The following LSMEM1 variants were observed in gnomAD, a reference collection of about 807,000 sequenced individuals.
The protein encoded by LSMEM1 is leucine-rich single-pass membrane protein 1.
In LSMEM1, 10 loss-of-function variants were observed where a neutral mutation model predicts 11.3. That is an observed-to-expected ratio of 0.89 (90% confidence interval 0.55 to 1.50). The LOEUF (loss-of-function observed/expected upper bound fraction) is 1.50, where lower values mean the gene tolerates loss of function less well. Among genes scored for constraint, LSMEM1 ranks in the 40% most tolerant of loss-of-function variants. The pLI is 0.00. For synonymous variants in LSMEM1, 65 were observed against 59.3 expected, an observed-to-expected ratio of 1.10 and a Z score of -0.44; for missense variants, 151 against 152.9, an observed-to-expected ratio of 0.99 and a Z score of 0.06.
rs1268795923 is a variant in LSMEM1, at chr7:112,481,105, G to GA, written c.-241dup. ...ATTTACTAAAAACCTTAGACATTAT[G>GA]AAAAAAGTCAGGATTTGGAATCTTA... On this transcript the variant is annotated 5_prime_UTR_variant, in exon 1 of 4. It removes the in-frame stop codon of an upstream open reading frame in the 5' UTR. Transcript: ENST00000312849. 6 of 325,624 alleles carry GA rather than the reference G, an allele frequency of 1.8e-5. No homozygotes were observed. Among genetic ancestry groups the GA allele is most frequent in the Non-Finnish European group, 3.0e-5 (5 of 166,596 alleles). 20.2% of individuals were successfully genotyped at this position (325,624 alleles called of 1,614,324 possible).
rs778219151 is a variant in LSMEM1, at chr7:112,484,834, G to A, written c.18G>A (p.Gln6=). Residue 6 remains glutamine, a synonymous_variant, in exon 2 of 4, where the codon CAG becomes CAA. Transcript: ENST00000312849. ...CAGGGACAATGACTCATTCTTCCCA[G>A]GACACTGGTTCTTGTGGCATTCAGG... is the stretch of plus-strand genomic sequence containing the variant. MTHSS[Q]DTGSCGIQED... is the part of the protein sequence containing the mutation. 2 of 1,613,584 alleles carry A rather than the reference G, an allele frequency of 1.2e-6. No individual in the cohort carries two copies. The highest frequency in any genetic ancestry group is 1.7e-6 in the Non-Finnish European group (2 of 1,179,730).
chr7:112,486,637 G>A (rs527410427), intron 2 of LSMEM1, among the ~76,000 whole-genome samples: 14 of 152,092 alleles, frequency 9.2e-5, no homozygotes, highest in African/African-American at 1.2e-4. Flanking sequence ...TTAGCGGGAC[G>A]TGGTGGCGGG....
At chr7:112,486,855 G>A in intron 2 of LSMEM1, 68 bp from the exon 3 acceptor site, 1 of 1,602,438 alleles carries the variant, frequency 6.2e-7, no homozygotes, top group South Asian at 1.1e-5. Context: ...CTGGGGTACT[G>A]TTCAGTTCTG....
At chr7:112,488,135 G>T (rs1796172275) in intron 3 of LSMEM1, among the ~76,000 whole-genome samples, 1 of 152,134 alleles carries the variant, frequency 6.6e-6, no homozygotes, top group Non-Finnish European at 1.5e-5. Context: ...GGTTGGGACT[G>T]GGAGGGAGGG....
chr7:112,489,710 G>C (rs1796200978), intron 3 of LSMEM1, 100 bp from the exon 4 acceptor site: 1 of 1,363,750 alleles, frequency 7.3e-7, no homozygotes, highest in East Asian at 2.4e-5. Flanking sequence ...TTTGCCAAGA[G>C]TGTCTTTCAG....
Position 112,490,000 on chromosome 7 carries a change from C to A in LSMEM1, c.*51C>A. On this transcript the variant is annotated 3_prime_UTR_variant, in exon 4 of 4. Coordinates refer to ENST00000312849, the MANE Select transcript of LSMEM1 (RefSeq NM_182597.3). ...CTAACACCTTGAGCTTTTTACTTTC[C>A]TGGGAGTGTACAGGGTTAGGAACTG... The A allele has an allele frequency of 6.3e-7, 1 of 1,580,002 alleles. No homozygotes were observed. The highest frequency in any genetic ancestry group is 2.2e-5 in the East Asian group (1 of 44,700).
At chr7:112,482,978 G>A (rs1322337254) in intron 1 of LSMEM1, among the ~76,000 whole-genome samples, 1 of 151,968 alleles carries the variant, frequency 6.6e-6, no homozygotes, top group African/African-American at 2.4e-5. Context: ...GACTTTTTGA[G>A]CTCACTTTCT....
intron 2 of LSMEM1, among the ~76,000 whole-genome samples, chr7:112,485,402 G>T (rs3128380): frequency 0.04 from 6,126 of 152,114 alleles, 372 homozygotes; most frequent in African/African-American, 0.13. Context: ...GAAAGGGGGT[G>T]GGGGGAGCAA....
chr7:112,482,179 A>G (rs1796045099), intron 1 of LSMEM1, among the ~76,000 whole-genome samples: 1 of 123,394 alleles, frequency 8.1e-6, no homozygotes, highest in African/African-American at 3.1e-5. Flanking sequence ...CAGCTCATTA[A>G]AAAAATATTG....
intron 3 of LSMEM1, among the ~76,000 whole-genome samples, chr7:112,488,659 C>T (rs1055196773): frequency 1.7e-4 from 26 of 151,884 alleles, no homozygotes; most frequent in African/African-American, 5.3e-4. Context: ...AGTGCAGTGG[C>T]GTGATCTCAG....
intron 1 of LSMEM1, among the ~76,000 whole-genome samples, chr7:112,482,408 G>A (rs1282470038): frequency 6.6e-6 from 1 of 152,136 alleles, no homozygotes; most frequent in Non-Finnish European, 1.5e-5. Flanking sequence ...CATTGATTAA[G>A]CCTCAGTATG....
upstream of LSMEM1, chr7:112,480,819 G>T (rs908759298): frequency 6.6e-6 from 3 of 456,108 alleles, no homozygotes; most frequent in African/African-American, 6.0e-5. Context: ...ATCATATTCT[G>T]TCCGTGTTTA....
rs368412469 is a variant in LSMEM1, at chr7:112,486,878, A to T, written c.128-45A>T. The T allele has an allele frequency of 1.5e-5, 24 of 1,612,138 alleles. No individual in the cohort carries two copies. In the African/African-American group the frequency reaches 2.9e-4, roughly 20 times the overall value. On this transcript the variant is annotated intron_variant, in intron 2 of 3. Coordinates refer to ENST00000312849, the MANE Select transcript of LSMEM1 (RefSeq NM_182597.3). ...CTGTTCAGTTCTGCTGACAAGTTGT[A>T]TGCTGAGCAGTTTTTGTCCTTGTTT...
intron 2 of LSMEM1, chr7:112,486,133 A>T (rs1796123285): frequency 5.7e-6 from 1 of 175,900 alleles, no homozygotes; most frequent in Non-Finnish European, 1.2e-5. Context: ...GTTTAAATGG[A>T]TGTAGGCTTA....
chr7:112,488,462 A>T (rs898133426), intron 3 of LSMEM1, among the ~76,000 whole-genome samples: 1 of 152,192 alleles, frequency 6.6e-6, no homozygotes, highest in African/African-American at 2.4e-5. Flanking sequence ...CTGTGAGATA[A>T]GTAGCAAGAT....
upstream of LSMEM1, chr7:112,480,888 C>T (rs773615608): frequency 3.9e-4 from 178 of 456,224 alleles, no homozygotes; most frequent in Non-Finnish European, 2.2e-4. Flanking sequence ...TGGCAGCTTC[C>T]GCCTGCTACA....
intron 3 of LSMEM1, 85 bp downstream of exon 3, chr7:112,487,136 C>A: frequency 2.0e-6 from 3 of 1,470,010 alleles, no homozygotes; most frequent in South Asian, 1.2e-5. Flanking sequence ...AGTTTGCACC[C>A]TCCAGTCAAT....
intron 2 of LSMEM1, 22 bp downstream of exon 2, chr7:112,484,965 C>G (rs774125154): frequency 8.1e-6 from 13 of 1,602,748 alleles, no homozygotes; most frequent in Non-Finnish European, 1.1e-5. Context: ...GGGGAAGGCA[C>G]AGCAGCCCTT....
rs1796022238 is a variant in LSMEM1 at position 112,481,001 on chromosome 7, A to C, written c.-351A>C. Reference sequence around the variant, plus strand: ...AAGGACGGTAACTTCAGTCCAATAAAAACCTCATCAGTTACCAACTAAATC... The same window carrying C: ...AAGGACGGTAACTTCAGTCCAATAACAACCTCATCAGTTACCAACTAAATC... On this transcript the variant is annotated 5_prime_UTR_variant, in exon 1 of 4. Transcript: ENST00000312849. 1 of 397,594 alleles carries C rather than the reference A, an allele frequency of 2.5e-6. No individual in the cohort carries two copies. Among genetic ancestry groups the C allele is most frequent in the Admixed American group, 3.1e-5 (1 of 32,250 alleles). The allele number at this position is 397,594 out of a possible 1,614,324, so 24.6% of individuals were successfully genotyped here.
Sources: allele counts gnomAD v4.1 joint callset (sites outside exome capture counted in the v4.1 genomes callset), GRCh38; gene constraint gnomAD v4.1.1; transcripts MANE v1.5; gene names NCBI Gene and HGNC (gene_info 2026-07-23, HGNC 2026-07-21).